Variants in TLN2 observed in about 807,000 individuals in gnomAD.
The protein encoded by TLN2 is talin 2.
Under a neutral mutation model 294.7 loss-of-function variants are expected in TLN2, and 118 were observed. That is an observed-to-expected ratio of 0.40 (90% confidence interval 0.34 to 0.47). The LOEUF (loss-of-function observed/expected upper bound fraction) is 0.47, where lower values mean the gene tolerates loss of function less well. TLN2 is among the 20% of genes least tolerant of loss of function. TLN2 has a pLI of 0.84. For synonymous variants in TLN2, 1,431 were observed against 1,304.5 expected, an observed-to-expected ratio of 1.10 and a Z score of -2.09; for missense variants, 3,083 against 3,282.2, an observed-to-expected ratio of 0.94 and a Z score of 1.48.
chr15:62,619,023 C>G (rs7176889), intron 3 of TLN2, among the ~76,000 whole-genome samples: 5,878 of 152,186 alleles, frequency 0.039, 392 homozygotes, highest in African/African-American at 0.14. Flanking sequence ...GTGGCCTATA[C>G]TATGCCCTGT....
rs1285510617 is a variant in TLN2 at position 62,483,987 on chromosome 15, A to AGG, written c.-238+93303_-238+93304dup. 2.0e-5 allele frequency among the ~76,000 whole-genome samples: 3 copies of AGG among 152,146 alleles called. No homozygotes were observed. In the East Asian group the frequency reaches 5.8e-4, roughly 29 times the overall value. ...GGAAAGTGGTGGGGTGGAAGTAGGG[A>AGG]GGAGGTGAGCCTTGTGCAGCAGCTG... is the stretch of plus-strand genomic sequence containing the variant. On this transcript the variant is annotated intron_variant, in intron 1 of 58. Coordinates refer to ENST00000636159, the MANE Select transcript of TLN2 (RefSeq NM_015059.3).
intron 1 of TLN2, among the ~76,000 whole-genome samples, chr15:62,436,612 A>T (rs887777892): frequency 6.6e-6 from 1 of 152,226 alleles, no homozygotes; most frequent in Non-Finnish European, 1.5e-5. Context: ...GTGTGGCTGG[A>T]GCAGGCCTAT....
At chr15:62,528,773 C>G (rs572961088) in intron 1 of TLN2, among the ~76,000 whole-genome samples, 10 of 150,628 alleles carry the variant, frequency 6.6e-5, no homozygotes, top group Admixed American at 4.6e-4. Context: ...TGAGCCACCA[C>G]TTGGTTTTTC....
At chr15:62,772,957 C>A (rs557660762) in intron 42 of TLN2, among the ~76,000 whole-genome samples, 1 of 152,266 alleles carries the variant, frequency 6.6e-6, no homozygotes, top group African/African-American at 2.4e-5. Flanking sequence ...AGCCACCACA[C>A]CTGACCTTTC....
intron 46 of TLN2, among the ~76,000 whole-genome samples, chr15:62,793,553 A>G (rs1051611867): frequency 2.6e-5 from 4 of 152,186 alleles, no homozygotes; most frequent in Non-Finnish European, 4.4e-5. Flanking sequence ...TAATAAATCT[A>G]GCTACTGTTT....
chr15:62,679,868 C>T (rs974190350), intron 11 of TLN2, among the ~76,000 whole-genome samples: 1 of 152,172 alleles, frequency 6.6e-6, no homozygotes, highest in Non-Finnish European at 1.5e-5. Flanking sequence ...GCAATTTTAT[C>T]ATATTTATAG....
intron 57 of TLN2, among the ~76,000 whole-genome samples, chr15:62,838,415 A>G (rs148772296): frequency 2.6e-5 from 4 of 152,306 alleles, no homozygotes; most frequent in South Asian, 2.1e-4. Context: ...GGGAGAGGGT[A>G]TGGGTAGAGC....
intron 1 of TLN2, among the ~76,000 whole-genome samples, chr15:62,513,475 A>C (rs979644060): frequency 6.6e-6 from 1 of 152,074 alleles, no homozygotes; most frequent in African/African-American, 2.4e-5. Context: ...TAAATGTTGG[A>C]TTTCCTTCCT....
chr15:62,623,731 G>A (rs1211173289), intron 3 of TLN2, among the ~76,000 whole-genome samples: 1 of 152,166 alleles, frequency 6.6e-6, no homozygotes, highest in Non-Finnish European at 1.5e-5. Flanking sequence ...TTTTCCACTT[G>A]ATCCAGAACC....
intron 3 of TLN2, among the ~76,000 whole-genome samples, chr15:62,633,893 G>A (rs1279404837): frequency 3.9e-5 from 6 of 152,174 alleles, no homozygotes; most frequent in Non-Finnish European, 7.3e-5. Flanking sequence ...TCTGAAGGCT[G>A]TGAGGGAAGG....
chr15:62,481,778 A>G (rs1595902134), intron 1 of TLN2, among the ~76,000 whole-genome samples: 2 of 143,364 alleles, frequency 1.4e-5, no homozygotes, highest in African/African-American at 2.6e-5. Context: ...ACTACATATT[A>G]TTTTTCTTTT....
At chr15:62,506,042 G>A (rs1460761651) in intron 1 of TLN2, among the ~76,000 whole-genome samples, 1 of 152,202 alleles carries the variant, frequency 6.6e-6, no homozygotes, top group Non-Finnish European at 1.5e-5. Flanking sequence ...TAGACGCGGG[G>A]AAAACAATTT....
At chr15:62,822,846 TGAA>T (rs1365637015) in intron 54 of TLN2, among the ~76,000 whole-genome samples, 2 of 152,118 alleles carry the variant, frequency 1.3e-5, no homozygotes. Context: ...AACTCACAGA[TGAA>T]GAAAATAAGT....
intron 1 of TLN2, among the ~76,000 whole-genome samples, chr15:62,500,517 TTAAAC>T (rs2039251339): frequency 6.6e-6 from 1 of 152,164 alleles, no homozygotes; most frequent in South Asian, 2.1e-4. Flanking sequence ...ATTAGAATGT[TTAAAC>T]TAAGTTCCAG....
At chr15:62,403,177 G>T (rs543493557) in intron 1 of TLN2, among the ~76,000 whole-genome samples, 312 of 151,416 alleles carry the variant, frequency 2.1e-3, no homozygotes, top group Non-Finnish European at 3.3e-3. Context: ...GGCAGAGGTT[G>T]CAGTGAGCCG....
rs3055781 is a variant in TLN2, at chr15:62,677,806, C to CTTTTTTTTTTTTTTTTTTTTTTT, written c.957+2500_957+2501insTTTTTTTTTTTTTTTTTTTTTTT. 1.2e-4 allele frequency among the ~76,000 whole-genome samples: 9 copies of CTTTTTTTTTTTTTTTTTTTTTTT among 75,270 alleles called. 4 individuals carry two copies. The highest frequency in any genetic ancestry group is 1.2e-4 in the Non-Finnish European group (5 of 41,468). The allele number at this position is 75,270 out of a possible 152,430, so 49.4% of individuals were successfully genotyped here. A position where few individuals can be genotyped will look rare whatever the true frequency, so the allele number is the denominator to read the frequency against. On this transcript the variant is annotated intron_variant, in intron 11 of 58. Transcript: ENST00000636159. ...TTAAGAAAGTAGGCAGCACTTGCAA[C>CTTTTTTTTTTTTTTTTTTTTTTT]TTTTTTTTTTTTTTTGAGACGGAGA... is the stretch of plus-strand genomic sequence containing the variant.
intron 1 of TLN2, among the ~76,000 whole-genome samples, chr15:62,528,754 G>A (rs554647860): frequency 2.2e-5 from 3 of 139,460 alleles, no homozygotes; most frequent in African/African-American, 8.3e-5. Flanking sequence ...CTTGGATATC[G>A]ATGAAGACTG....
chr15:62,497,954 A>G (rs2039096229), intron 1 of TLN2, among the ~76,000 whole-genome samples: 1 of 152,014 alleles, frequency 6.6e-6, no homozygotes, highest in South Asian at 2.1e-4. Context: ...AGAAATTTAA[A>G]GTATGGAATT....
chr15:62,513,352 A>G (rs1306683767), intron 1 of TLN2, among the ~76,000 whole-genome samples: 1 of 152,134 alleles, frequency 6.6e-6, no homozygotes, highest in African/African-American at 2.4e-5. Context: ...GGTCCCTCCC[A>G]ACACCTGCCT....
Sources: allele counts gnomAD v4.1 joint callset (sites outside exome capture counted in the v4.1 genomes callset), GRCh38; gene constraint gnomAD v4.1.1; transcripts MANE v1.5; gene names NCBI Gene and HGNC (gene_info 2026-07-23, HGNC 2026-07-21).